HIVEP2: variants seen among roughly 807,000 people sequenced by gnomAD.
HIVEP2 encodes the protein transcription factor HIVEP2.
A neutral mutation model predicts 180.7 loss-of-function variants in HIVEP2; 14 were observed. The ratio of observed to expected loss-of-function variants is 0.08; its 90% confidence interval spans 0.05 to 0.12. The LOEUF (loss-of-function observed/expected upper bound fraction) is 0.12, where lower values mean the gene tolerates loss of function less well. Among genes scored for constraint, HIVEP2 ranks in the 10% least tolerant of loss-of-function variants. The pLI is 1.00. For missense variants in HIVEP2, 2,579 were observed against 3,008.5 expected (o/e 0.86, Z 3.34); for synonymous variants, 1,184 against 1,136.4 (o/e 1.04, Z -0.84).
At chr6:142,935,088 C>T (rs911242694) in intron 1 of HIVEP2, among the ~76,000 whole-genome samples, 3 of 152,128 alleles carry the variant, frequency 2.0e-5, no homozygotes, top group African/African-American at 7.2e-5. Context: ...AAACATAATT[C>T]AAAAAGGCCC....
At chr6:142,911,936 G>T (rs1400352877) in intron 1 of HIVEP2, among the ~76,000 whole-genome samples, 6 of 152,138 alleles carry the variant, frequency 3.9e-5, no homozygotes, top group Admixed American at 3.9e-4. Context: ...ATGTTTCAGT[G>T]CTAGTACTTA....
intron 1 of HIVEP2, among the ~76,000 whole-genome samples, chr6:142,858,901 C>T (rs1012141135): frequency 5.3e-5 from 8 of 152,022 alleles, no homozygotes; most frequent in Non-Finnish European, 1.2e-4. Flanking sequence ...GCCCTCTCAC[C>T]TGATCTCTTG....
intron 1 of HIVEP2, among the ~76,000 whole-genome samples, chr6:142,884,173 A>T (rs1776641908): frequency 6.6e-6 from 1 of 152,174 alleles, no homozygotes. Flanking sequence ...CCTACACACA[A>T]TATCTGTTTG....
chr6:142,753,909 T>C lies in HIVEP2; in HGVS notation c.6539A>G (p.Gln2180Arg). ...GPPNLRRGLP[Q>R]VPYFSLYGDQ... ...TCCATAGAGACTGAAGTAAGGAACC[T>C]GAGGTAATCCTCTTCTTAAATTCTG... Residue 2180 changes from glutamine to arginine, a missense_variant, in exon 10 of 10, where the codon CAG (glutamine) becomes CGG (arginine). This residue lies in a region of HIVEP2 where 660 missense variants were observed against 731.7 expected (regional missense o/e 0.90). Transcript: ENST00000367603. The C allele has an allele frequency of 6.3e-7, 1 of 1,598,908 alleles. No individual in the cohort carries two copies. Among genetic ancestry groups the C allele is most frequent in the Non-Finnish European group, 8.5e-7 (1 of 1,169,720 alleles).
In HIVEP2 at chr6:142,842,338, C is replaced by T. The variant is rs112736036; in HGVS notation, c.-640-5291G>A. Among the ~76,000 whole-genome samples the T allele has an allele frequency of 4.6e-5, 7 of 152,246 alleles. 1 individual carries two copies. The highest frequency in any genetic ancestry group is 1.4e-4 in the African/African-American group (6 of 41,532). On this transcript the variant is annotated intron_variant, in intron 1 of 9. Coordinates refer to ENST00000367603, the MANE Select transcript of HIVEP2 (RefSeq NM_006734.4). ...TTGTTGTGCATGTTAACTAAATCCA[C>T]GTGTTATCTTCCTTGATTTCACAAA...
chr6:142,877,978 G>A (rs142472663), intron 1 of HIVEP2, among the ~76,000 whole-genome samples: 1 of 152,266 alleles, frequency 6.6e-6, no homozygotes, highest in East Asian at 1.9e-4. Flanking sequence ...CTGTGTGTGT[G>A]TATGTGTGTG....
Position 142,773,065 on chromosome 6 carries a change from A to T in HIVEP2, c.1674T>A (p.Pro558=). The T allele has an allele frequency of 1.2e-6, 2 of 1,614,238 alleles. No individual in the cohort carries two copies. The highest frequency in any genetic ancestry group is 2.7e-5 in the African/African-American group (2 of 75,068). Residue 558 remains proline (P), a synonymous_variant, in exon 5 of 10, where the codon CCT becomes CCA. Coordinates refer to ENST00000367603, the MANE Select transcript of HIVEP2 (RefSeq NM_006734.4). ...TSSATNLTIP[P]SLRGSHSFDE... ...CAAATGAGTGACTTCCTCTCAAAGA[A>T]GGAGGAATAGTTAGATTAGTTGCTG...
At chr6:142,930,731 C>T (rs1461817077) in intron 1 of HIVEP2, among the ~76,000 whole-genome samples, 1 of 152,070 alleles carries the variant, frequency 6.6e-6, no homozygotes, top group Non-Finnish European at 1.5e-5. Context: ...TCAGAATAGG[C>T]CCTCAATGAA....
intron 1 of HIVEP2, among the ~76,000 whole-genome samples, chr6:142,881,763 C>A (rs941825433): frequency 1.3e-5 from 2 of 152,206 alleles, no homozygotes; most frequent in Non-Finnish European, 1.5e-5. Context: ...CCTCAGAGAT[C>A]TGTGTCTCTC....
chr6:142,876,630 T>C (rs1776445837), intron 1 of HIVEP2, among the ~76,000 whole-genome samples: 1 of 152,100 alleles, frequency 6.6e-6, no homozygotes, highest in Non-Finnish European at 1.5e-5. Flanking sequence ...CCAAGAATCA[T>C]TCAACAAGAT....
intron 2 of HIVEP2, among the ~76,000 whole-genome samples, chr6:142,796,295 C>T (rs1268168349): frequency 1.3e-5 from 2 of 152,078 alleles, no homozygotes; most frequent in Non-Finnish European, 2.9e-5. Context: ...GATCTTACCC[C>T]TACCCTGGAC....
intron 2 of HIVEP2, among the ~76,000 whole-genome samples, chr6:142,802,483 G>A (rs1036435779): frequency 1.3e-5 from 2 of 151,744 alleles, no homozygotes; most frequent in African/African-American, 2.4e-5. Context: ...ATGTATGAAT[G>A]AACTGACTAG....
chr6:142,861,863 T>C (rs938389594), intron 1 of HIVEP2, among the ~76,000 whole-genome samples: 3 of 152,142 alleles, frequency 2.0e-5, no homozygotes, highest in East Asian at 1.9e-4. Context: ...GGTGGAAGCC[T>C]TACTAGAGAT....
rs1231443911 is a variant in HIVEP2 at position 142,771,809 on chromosome 6, GAGCTGTGGGACA to G, written c.2918_2929del (p.Leu973_Ser976del). ...TCTTTCAAAAGACATGGAGAAACTG[GAGCTGTGGGACA>G]AGTTGCTTTCTTGGCTGGGGCTGCG... On this transcript the variant is annotated inframe_deletion, in exon 5 of 10. Transcript: ENST00000367603. This position sits in a 1 kb window ranked among gnomAD's most constrained non-coding sequence, Gnocchi z 5.4. The G allele has an allele frequency of 1.2e-6, 2 of 1,614,216 alleles. No homozygotes were observed. The highest frequency in any genetic ancestry group is 1.7e-6 in the Non-Finnish European group (2 of 1,180,040).
rs538704857 is a variant in HIVEP2 at position 142,816,937 on chromosome 6, C to G, written c.-528+19998G>C. ...ACACACAAACACGCTATCTCTCTCTCTCAAAGTGGGGAGGAGTGGGTGTTG... is the reference window on the plus strand; with the variant it reads ...ACACACAAACACGCTATCTCTCTCTGTCAAAGTGGGGAGGAGTGGGTGTTG... On this transcript the variant is annotated intron_variant, in intron 2 of 9. Transcript: ENST00000367603. Among the ~76,000 whole-genome samples, 10 of 152,206 alleles carry G rather than the reference C, an allele frequency of 6.6e-5. No individual in the cohort carries two copies. In the South Asian group the frequency reaches 2.1e-3, roughly 32 times the overall value.
rs781367516 is a variant in HIVEP2 at position 142,770,498 on chromosome 6, G to C, written c.4241C>G (p.Pro1414Arg). The C allele has an allele frequency of 3.7e-6, 6 of 1,614,040 alleles. No homozygotes were observed. Among genetic ancestry groups the C allele is most frequent in the Non-Finnish European group, 5.1e-6 (6 of 1,180,038 alleles). ...YPIWKAPQTLPLGLESSIPLC... is the reference protein window; with the variant it reads ...YPIWKAPQTLRLGLESSIPLC... The stretch of plus-strand genomic sequence containing the variant: ...GGGGATGGAGGATTCTAAGCCGAGG[G>C]GCAAAGTCTGAGGTGCTTTCCAAAT... The change falls in exon 5 of 10, where the codon CCC becomes CGC. Residue 1414 changes from proline to arginine, a missense_variant. Coordinates refer to ENST00000367603, the MANE Select transcript of HIVEP2 (RefSeq NM_006734.4). This position sits in a 1 kb window ranked among gnomAD's most constrained non-coding sequence, Gnocchi z 4.7.
At chr6:142,826,758 A>G (rs1774914757) in intron 2 of HIVEP2, among the ~76,000 whole-genome samples, 2 of 152,202 alleles carry the variant, frequency 1.3e-5, no homozygotes, top group Non-Finnish European at 2.9e-5. Flanking sequence ...GGGTAGAAAC[A>G]TTAGTATATA....
chr6:142,912,738 C>T (rs1480236505), intron 1 of HIVEP2, among the ~76,000 whole-genome samples: 1 of 152,214 alleles, frequency 6.6e-6, no homozygotes, highest in Admixed American at 6.5e-5. Context: ...AATCTAATGT[C>T]TGATGATCTG....
At position 142,759,912 on chromosome 6, in the gene HIVEP2, T is replaced by C. The variant is rs975539599; in HGVS notation, c.6376A>G (p.Arg2126Gly). 4.3e-6 allele frequency: 7 copies of C among 1,614,012 alleles called. No homozygotes were observed. In the African/African-American group the frequency reaches 6.7e-5, roughly 15 times the overall value. The change falls in exon 9 of 10, where the codon AGA becomes GGA. Residue 2126 changes from arginine (R) to glycine (G), a missense_variant. By Grantham distance (125) the Arg-to-Gly change is moderately radical. Around this residue, in one of 11 missense-constraint regions of HIVEP2, gnomAD observed 660 missense variants for 731.7 expected, o/e 0.90. Transcript: ENST00000367603. The stretch of plus-strand genomic sequence containing the variant: ...TCTCTTCTAGGAGAGAGGTCTCTTC[T>C]TGCTGTGATATCTTTCCCAGGAGAC... ...PVSPGKDITARRDLSPRRERR... is the reference protein window; with the variant it reads ...PVSPGKDITAGRDLSPRRERR...
Sources: gnomAD v4.1 joint callset for allele counts (sites outside exome capture counted in the v4.1 genomes callset) on GRCh38, gnomAD v4.1.1 for gene constraint, gnomAD v4.1.1 regional missense constraint, Gnocchi (gnomAD v3.1) non-coding constraint, MANE v1.5 for transcripts, NCBI Gene and HGNC (gene_info 2026-07-23, HGNC 2026-07-21) for gene names.